The following RBPMS variants were observed in gnomAD, a reference collection of about 807,000 sequenced individuals.
The protein encoded by RBPMS is RNA-binding protein with multiple splicing.
In RBPMS, 7 loss-of-function variants were observed where a neutral mutation model predicts 26.8. The ratio of observed to expected loss-of-function variants is 0.26; its 90% CI spans 0.15 to 0.49. The LOEUF is 0.49. Among genes scored for constraint, RBPMS ranks in the 20% least tolerant of loss-of-function variants. The pLI is 0.98. For synonymous variants in RBPMS, 96 were observed against 93.3 expected (o/e 1.03, Z -0.17); for missense variants, 186 against 250.0 (o/e 0.74, Z 1.73).
intron 4 of RBPMS, among the ~76,000 whole-genome samples, chr8:30,502,432 G>A (rs1418727564): frequency 2.0e-5 from 3 of 152,172 alleles, no homozygotes; most frequent in African/African-American, 7.2e-5. Context: ...TAGGTCCCAG[G>A]ATACTCTTCA....
intron 4 of RBPMS, among the ~76,000 whole-genome samples, chr8:30,482,252 A>G (rs1396190601): frequency 1.3e-5 from 2 of 152,154 alleles, no homozygotes; most frequent in African/African-American, 2.4e-5. Flanking sequence ...TTCTCCTCCC[A>G]TGTCATCTGT....
chr8:30,477,310 A>G (rs552931538), intron 2 of RBPMS, among the ~76,000 whole-genome samples: 10 of 149,398 alleles, frequency 6.7e-5, no homozygotes, highest in Non-Finnish European at 1.2e-4. Context: ...TGGCCTCCCA[A>G]AGTGCTGGGA....
At chr8:30,390,284 G>A (rs1807633732) in intron 1 of RBPMS, among the ~76,000 whole-genome samples, 1 of 152,220 alleles carries the variant, frequency 6.6e-6, no homozygotes, top group Admixed American at 6.5e-5. Flanking sequence ...GCCTAGCGGT[G>A]AGAATCAGGT....
intron 1 of RBPMS, among the ~76,000 whole-genome samples, chr8:30,444,423 C>T (rs1031979697): frequency 6.6e-6 from 1 of 152,200 alleles, no homozygotes; most frequent in African/African-American, 2.4e-5. Flanking sequence ...GCACTATAGG[C>T]TTTCAGAGCA....
chr8:30,450,708 G>C (rs1336689267), intron 1 of RBPMS, among the ~76,000 whole-genome samples: 3 of 141,460 alleles, frequency 2.1e-5, no homozygotes, highest in African/African-American at 7.8e-5. Flanking sequence ...AGTTCTAAAA[G>C]CTGGCACAGT....
At chr8:30,555,228 T>TA (rs1408518843) in intron 6 of RBPMS, among the ~76,000 whole-genome samples, 1 of 152,178 alleles carries the variant, frequency 6.6e-6, no homozygotes, top group Non-Finnish European at 1.5e-5. Flanking sequence ...GCTGGAGACT[T>TA]ACAGTGTTAG....
chr8:30,546,942 C>T (rs1270544204), intron 6 of RBPMS, among the ~76,000 whole-genome samples: 1 of 152,196 alleles, frequency 6.6e-6, no homozygotes, highest in African/African-American at 2.4e-5. Context: ...GCTCTTTCCA[C>T]TCCGAGGTGC....
intron 5 of RBPMS, among the ~76,000 whole-genome samples, chr8:30,511,481 AAAAAAATAT>A (rs1821625950): frequency 4.1e-5 from 3 of 73,178 alleles, no homozygotes; most frequent in African/African-American, 2.3e-4. Flanking sequence ...GAAAAAAAAA[AAAAAAATAT>A]ATATATATAT....
intron 5 of RBPMS, among the ~76,000 whole-genome samples, chr8:30,543,850 T>C (rs2915594): frequency 0.19 from 29,144 of 152,172 alleles, 3,135 homozygotes; most frequent in South Asian, 0.39. Flanking sequence ...ACTGGAAATG[T>C]TCCTGTTTAC....
At chr8:30,411,322 C>G (rs1365442414) in intron 1 of RBPMS, among the ~76,000 whole-genome samples, 1 of 152,056 alleles carries the variant, frequency 6.6e-6, no homozygotes, top group African/African-American at 2.4e-5. Context: ...CTGTGGGAGA[C>G]AGAGGACGGA....
intron 7 of RBPMS, among the ~76,000 whole-genome samples, chr8:30,561,783 G>A (rs1827509679): frequency 1.3e-5 from 2 of 152,172 alleles, no homozygotes; most frequent in African/African-American, 2.4e-5. Context: ...GGCAAAGGAT[G>A]TTGGCCTGGG....
chr8:30,472,922 G>C (rs1008664182), intron 1 of RBPMS, among the ~76,000 whole-genome samples: 2 of 152,120 alleles, frequency 1.3e-5, no homozygotes, highest in African/African-American at 4.8e-5. Flanking sequence ...CAAAAAATTA[G>C]CCAGACATGG....
intron 1 of RBPMS, among the ~76,000 whole-genome samples, chr8:30,450,208 G>A (rs1814398689): frequency 6.6e-6 from 1 of 152,192 alleles, no homozygotes; most frequent in Non-Finnish European, 1.5e-5. Flanking sequence ...ATAGTAACTA[G>A]TTGGCATTTT....
chr8:30,513,478 A>T (rs1385744602), intron 5 of RBPMS, among the ~76,000 whole-genome samples: 1 of 150,914 alleles, frequency 6.6e-6, no homozygotes, highest in Non-Finnish European at 1.5e-5. Context: ...GGTCCCAGCT[A>T]CTCGGGAGGC....
chr8:30,479,988 G>A (rs535975787), intron 4 of RBPMS, among the ~76,000 whole-genome samples: 36 of 151,746 alleles, frequency 2.4e-4, no homozygotes, highest in Admixed American at 1.5e-3. Flanking sequence ...ACTTTTACCA[G>A]TATTGTTTTG....
chr8:30,546,628 G>A (rs1407127004), intron 6 of RBPMS, among the ~76,000 whole-genome samples: 9 of 152,198 alleles, frequency 5.9e-5, no homozygotes, highest in Non-Finnish European at 1.2e-4. Context: ...TCCCAAACTG[G>A]AATCCACTTA....
At chr8:30,504,482 T>G in intron 5 of RBPMS, 46 bp downstream of exon 5, 1 of 1,585,366 alleles carries the variant, frequency 6.3e-7, no homozygotes, top group Non-Finnish European at 8.7e-7. Context: ...AACTAAGAAC[T>G]GTTCATGTGC....
At chr8:30,528,459 C>G (rs1467737341) in intron 5 of RBPMS, among the ~76,000 whole-genome samples, 1 of 152,112 alleles carries the variant, frequency 6.6e-6, no homozygotes, top group African/African-American at 2.4e-5. Flanking sequence ...CCGGGACATA[C>G]CTGTGACCAT....
At position 30,562,655 on chromosome 8, in the gene RBPMS, T is replaced by C. The variant is rs558666782; in HGVS notation, c.*8-3602T>C. Among the ~76,000 whole-genome samples, 10 of 152,270 alleles carry C rather than the reference T, an allele frequency of 6.6e-5. No individual in the cohort carries two copies. The East Asian group carries it at 1.4e-3, about 21-fold the overall frequency. Reference sequence around the variant, plus strand: ...GGAAACAGTGGTGCTGATGAGCTAATATAAACATTTTTAAACCAGAACAAG... The same window carrying C: ...GGAAACAGTGGTGCTGATGAGCTAACATAAACATTTTTAAACCAGAACAAG... On this transcript the variant is annotated intron_variant, in intron 7 of 8. Coordinates refer to ENST00000397323, the MANE Select transcript of RBPMS (RefSeq NM_001008710.3).
Sources: gnomAD v4.1 joint callset for allele counts (sites outside exome capture counted in the v4.1 genomes callset) on GRCh38, gnomAD v4.1.1 for gene constraint, MANE v1.5 for transcripts, NCBI Gene and HGNC (gene_info 2026-07-23, HGNC 2026-07-21) for gene names.